The following HAUS1 variants were observed in gnomAD, a reference collection of about 807,000 sequenced individuals.
The protein encoded by HAUS1 is HAUS augmin like complex subunit 1.
In HAUS1, 25 loss-of-function variants were observed where a neutral mutation model predicts 38.6. That is an observed-to-expected ratio of 0.65 (90% CI 0.47 to 0.91). The LOEUF (loss-of-function observed/expected upper bound fraction) is 0.91. Ranked by LOEUF, HAUS1 falls within the 40% of genes least tolerant of loss-of-function variation. The probability of loss-of-function intolerance (pLI) is 0.00; values close to 1 mark genes in which losing one functional copy is unlikely to be tolerated. For missense variants in HAUS1, 325 were observed against 328.4 expected (o/e 0.99, Z 0.08); for synonymous variants, 109 against 112.9 (o/e 0.97, Z 0.22).
At chr18:46,107,895 G>C (rs1324561919) in intron 2 of HAUS1, among the ~76,000 whole-genome samples, 1 of 152,126 alleles carries the variant, frequency 6.6e-6, no homozygotes, top group African/African-American at 2.4e-5. Flanking sequence ...TGGAGAGACA[G>C]AGTCTTCCTA....
chr18:46,122,149 A>G lies in HAUS1; in HGVS notation c.477-318A>G, dbSNP rs9965093. Among the ~76,000 whole-genome samples, 1,016 of 152,160 alleles carry G rather than the reference A, an allele frequency of 6.7e-3. 13 individuals are homozygous for G. The highest frequency in any genetic ancestry group is 0.023 in the African/African-American group (964 of 41,534). Reference sequence around the variant, plus strand: ...AAGCCACTGTGCCTGGCCATCTACAAAAGATTTAAAAATTAGCCAGGCATA... The same window carrying G: ...AAGCCACTGTGCCTGGCCATCTACAGAAGATTTAAAAATTAGCCAGGCATA... On this transcript the variant is annotated intron_variant, in intron 4 of 8. Transcript: ENST00000282058.
chr18:46,112,143 C>T (rs1176741225), intron 2 of HAUS1, among the ~76,000 whole-genome samples: 1 of 149,670 alleles, frequency 6.7e-6, no homozygotes, highest in African/African-American at 2.4e-5. Context: ...CTTTGGCTTC[C>T]CAAAGTGCTG....
intron 6 of HAUS1, among the ~76,000 whole-genome samples, chr18:46,123,847 A>C (rs1912020692): frequency 6.6e-6 from 1 of 152,134 alleles, no homozygotes. Flanking sequence ...CTTGGAATCT[A>C]ATGTTGACAA....
chr18:46,123,426 A>G, intron 6 of HAUS1, 62 bp downstream of exon 6: 1 of 1,138,962 alleles, frequency 8.8e-7, no homozygotes, highest in Non-Finnish European at 1.3e-6. Context: ...CTGCTTTTTC[A>G]TTTGTTTCTT....
Position 46,123,289 on chromosome 18 carries a change from G to C in HAUS1, c.601-10G>C. ...TTTTTTAACTGAACTCCTTTTTTTG[G>C]TAATTGTAGGAGCAACTTTCAGCCA... On this transcript the variant is annotated splice_polypyrimidine_tract_variant and intron_variant, in intron 5 of 8. Transcript: ENST00000282058. The C allele has an allele frequency of 6.3e-7, 1 of 1,589,748 alleles. No individual in the cohort carries two copies. The highest frequency in any genetic ancestry group is 1.4e-5 in the African/African-American group (1 of 73,714).
intron 2 of HAUS1, among the ~76,000 whole-genome samples, chr18:46,112,253 T>TC (rs1686302541): frequency 7.0e-6 from 1 of 143,008 alleles, no homozygotes; most frequent in Non-Finnish European, 1.5e-5. Flanking sequence ...ATATATAATG[T>TC]GTATATATAT....
At chr18:46,125,881 T>C in intron 8 of HAUS1, 90 bp downstream of exon 8, 1 of 805,296 alleles carries the variant, frequency 1.2e-6, no homozygotes, top group Non-Finnish European at 2.1e-6. Context: ...CTTTCCTTTC[T>C]CCTCAGTGGT....
chr18:46,125,979 T>C, intron 8 of HAUS1, 188 bp downstream of exon 8: 2 of 477,966 alleles, frequency 4.2e-6, no homozygotes, highest in Non-Finnish European at 3.7e-6. Context: ...ATTTTTTCCA[T>C]TAAGAAACAT....
intron 2 of HAUS1, among the ~76,000 whole-genome samples, chr18:46,114,124 T>C (rs917551535): frequency 3.3e-5 from 5 of 152,234 alleles, no homozygotes; most frequent in Non-Finnish European, 7.3e-5. Context: ...CAGTTAGATA[T>C]TTGTTTTATC....
chr18:46,123,981 T>TC (rs2144265075), intron 6 of HAUS1, among the ~76,000 whole-genome samples: 1 of 152,194 alleles, frequency 6.6e-6, no homozygotes, highest in Admixed American at 6.6e-5. Context: ...GCTCAAGTGA[T>TC]CCTCCCACCT....
rs764753837 is a variant in HAUS1 at position 46,119,979 on chromosome 18, A to T, written c.395A>T (p.Lys132Ile). 1 of 1,609,912 alleles carries T rather than the reference A, an allele frequency of 6.2e-7. No individual in the cohort carries two copies. Among genetic ancestry groups the T allele is most frequent in the Non-Finnish European group, 8.5e-7 (1 of 1,178,338 alleles). ...LTSDLFRTKS[K>I]SEEIKIELEK... Reference sequence around the variant, plus strand: ...TCTGATCTCTTTCGTACCAAATCCAAAAGTGAAGAAATCAAGATTGAACTG... The same window carrying T: ...TCTGATCTCTTTCGTACCAAATCCATAAGTGAAGAAATCAAGATTGAACTG... Residue 132 changes from lysine to isoleucine, a missense_variant, in exon 4 of 9, where the codon AAA becomes ATA. Physicochemically the swap from Lys to Ile is moderately radical, Grantham distance 102. Transcript: ENST00000282058.
At chr18:46,115,889 G>A (rs1911784592) in intron 2 of HAUS1, among the ~76,000 whole-genome samples, 1 of 152,116 alleles carries the variant, frequency 6.6e-6, no homozygotes, top group African/African-American at 2.4e-5. Context: ...GGCTGAGGCA[G>A]GTGGATCACC....
chr18:46,115,937 C>T (rs1339472333), intron 2 of HAUS1, among the ~76,000 whole-genome samples: 1 of 151,800 alleles, frequency 6.6e-6, no homozygotes, highest in Admixed American at 6.6e-5. Context: ...CCAACCCTGT[C>T]TCTACTAAAA....
intron 2 of HAUS1, among the ~76,000 whole-genome samples, chr18:46,117,181 C>A (rs1328079145): frequency 6.6e-6 from 1 of 152,188 alleles, no homozygotes; most frequent in East Asian, 1.9e-4. Flanking sequence ...ATTCCACTTA[C>A]ACCCAAGAGA....
At chr18:46,118,111 T>A (rs572949088) in intron 2 of HAUS1, 70 bp from the exon 3 acceptor site, 1 of 1,471,206 alleles carries the variant, frequency 6.8e-7, no homozygotes, top group African/African-American at 1.4e-5. Context: ...ATGTGAATTA[T>A]GTCTTGATAA....
rs570345204 is a variant in HAUS1 at position 46,112,884 on chromosome 18, GTA to G, written c.206-5289_206-5288del. Reference sequence around the variant, plus strand: ...TACATATATATAATATATATAATGTGTATATATATTCCATATTATATATATAA... The same window carrying G: ...TACATATATATAATATATATAATGTGTATATATTCCATATTATATATATAA... On this transcript the variant is annotated intron_variant, in intron 2 of 8. Transcript: ENST00000282058. Among the ~76,000 whole-genome samples, 30 of 88,058 alleles carry G rather than the reference GTA, an allele frequency of 3.4e-4. 2 individuals carry two copies. Among genetic ancestry groups the G allele is most frequent in the South Asian group, 2.1e-3 (7 of 3,414 alleles). 57.8% of individuals were successfully genotyped at this position (88,058 alleles called of 152,430 possible). A position where few individuals can be genotyped will look rare whatever the true frequency, so the allele number is the denominator to read the frequency against.
In HAUS1 at chr18:46,111,885, CT is replaced by C. The variant is rs370593835; in HGVS notation, c.206-6280del. Among the ~76,000 whole-genome samples the C allele has an allele frequency of 4.8e-3, 641 of 134,356 alleles. 4 individuals are homozygous for C. Among genetic ancestry groups the C allele is most frequent in the African/African-American group, 0.012 (446 of 36,194 alleles). The allele number at this position is 134,356 out of a possible 152,430, so 88.1% of individuals were successfully genotyped here. A position where few individuals can be genotyped will look rare whatever the true frequency, so the allele number is the denominator to read the frequency against. ...GGCTCTCTTCATTTTCTTTTCTTTT[CT>C]TTTTTTTTTTTTTTTATGAGATGGA... On this transcript the variant is annotated intron_variant, in intron 2 of 8. Transcript: ENST00000282058.
chr18:46,118,139 A>G lies in HAUS1; in HGVS notation c.206-42A>G, dbSNP rs561982856. 3 of 1,603,954 alleles carry G rather than the reference A, an allele frequency of 1.9e-6. No homozygotes were observed. The East Asian group carries it at 6.7e-5, about 36-fold the overall frequency. ...CTTGATAAAGCTGTTAAAAATTTTTAAAAAAGCAAACAGTCACTATGGAAC... is the reference window on the plus strand; with the variant it reads ...CTTGATAAAGCTGTTAAAAATTTTTGAAAAAGCAAACAGTCACTATGGAAC... On this transcript the variant is annotated intron_variant, in intron 2 of 8. Coordinates refer to ENST00000282058, the MANE Select transcript of HAUS1 (RefSeq NM_138443.4).
chr18:46,120,689 G>C (rs533435060), intron 4 of HAUS1, among the ~76,000 whole-genome samples: 1 of 151,386 alleles, frequency 6.6e-6, no homozygotes. Flanking sequence ...GGGTTCAAGC[G>C]AGTTTCCTGC....
Sources: gnomAD v4.1 joint callset for allele counts (sites outside exome capture counted in the v4.1 genomes callset) on GRCh38, gnomAD v4.1.1 for gene constraint, MANE v1.5 for transcripts, NCBI Gene and HGNC (gene_info 2026-07-23, HGNC 2026-07-21) for gene names.